CPS1: variants seen among roughly 807,000 people sequenced by gnomAD.
The protein encoded by CPS1 is carbamoyl-phosphate synthase [ammonia], mitochondrial.
In CPS1, 109 loss-of-function variants were observed where a neutral mutation model predicts 174.6. The observed-to-expected ratio is 0.62, with a 90% CI of 0.53 to 0.73. The LOEUF is 0.73. CPS1 is among the 30% of genes least tolerant of loss of function. The pLI, the probability that CPS1 is intolerant of heterozygous loss-of-function variation, is 0.00. For missense variants in CPS1, 1,689 were observed against 1,821.9 expected (o/e 0.93, Z 1.33); for synonymous variants, 637 against 632.0 (o/e 1.01, Z -0.12).
At chr2:210,567,375 G>C (rs1336279296) in intron 1 of CPS1, among the ~76,000 whole-genome samples, 1 of 152,064 alleles carries the variant, frequency 6.6e-6, no homozygotes, top group African/African-American at 2.4e-5. Context: ...TTTTAATAGA[G>C]GGAGAATTAT....
intron 1 of CPS1, among the ~76,000 whole-genome samples, chr2:210,513,474 C>G (rs911557802): frequency 2.0e-5 from 3 of 151,232 alleles, no homozygotes; most frequent in Admixed American, 1.3e-4. Flanking sequence ...AGAAGACATA[C>G]GTTGTATGTC....
intron 1 of CPS1, among the ~76,000 whole-genome samples, chr2:210,483,242 G>A (rs1694625118): frequency 6.6e-6 from 1 of 152,256 alleles, no homozygotes; most frequent in Middle Eastern, 3.4e-3. Flanking sequence ...GCAATTAGTG[G>A]TGTTGGTAGG....
chr2:210,538,624 A>G (rs1442995974), intron 1 of CPS1, among the ~76,000 whole-genome samples: 3 of 152,108 alleles, frequency 2.0e-5, no homozygotes, highest in Non-Finnish European at 2.9e-5. Flanking sequence ...CTTTGACATC[A>G]GTGGGGATGG....
Position 210,590,824 on chromosome 2 carries a change from C to G in CPS1, c.865C>G (p.Pro289Ala), listed in dbSNP as rs146733657. 1 of 1,610,670 alleles carries G rather than the reference C, an allele frequency of 6.2e-7. No individual in the cohort carries two copies. Among genetic ancestry groups the G allele is most frequent in the African/African-American group, 1.3e-5 (1 of 74,782 alleles). ...GATTTTGGAGAGTGATCGCAAGGAG[C>G]CATTGTTTGGAATCAGTACAGGAAA... ...RKILESDRKE[P>A]LFGISTGNLI... Residue 289 changes from proline (P) to alanine (A), a missense_variant, in exon 9 of 38, where the codon CCA (proline) becomes GCA (alanine). Transcript: ENST00000233072.
chr2:210,631,779 A>G (rs891057285), intron 21 of CPS1, among the ~76,000 whole-genome samples: 19 of 152,248 alleles, frequency 1.2e-4, no homozygotes, highest in Admixed American at 2.6e-4. Flanking sequence ...AGTTGTATAT[A>G]TAATAGCATA....
chr2:210,508,272 G>A (rs1395971969), intron 1 of CPS1, among the ~76,000 whole-genome samples: 3 of 151,476 alleles, frequency 2.0e-5, no homozygotes, highest in African/African-American at 4.9e-5. Context: ...CTGCTCCTGA[G>A]TGACTACTGG....
At chr2:210,632,475 G>T (rs1374777249) in intron 21 of CPS1, among the ~76,000 whole-genome samples, 1 of 151,970 alleles carries the variant, frequency 6.6e-6, no homozygotes, top group Non-Finnish European at 1.5e-5. Flanking sequence ...AGAATAAGCT[G>T]GGACTAAAGT....
intron 19 of CPS1, among the ~76,000 whole-genome samples, 169 bp downstream of exon 19, chr2:210,608,728 A>G (rs1487253966): frequency 4.6e-5 from 7 of 151,864 alleles, no homozygotes; most frequent in Admixed American, 3.9e-4. Flanking sequence ...TAATATGCTA[A>G]CAGTCTCTAT....
chr2:210,637,690 A>G lies in CPS1; in HGVS notation c.2688-12A>G, dbSNP rs376699772. The G allele has an allele frequency of 6.6e-5, 106 of 1,613,796 alleles. No individual in the cohort carries two copies. In the East Asian group the frequency reaches 1.6e-3, roughly 25 times the overall value. ...GTCTAAACTTGAATCTCTCTTTTCTATTAAATCCTAGTGAGTCCATGACAG... is the reference window on the plus strand; with the variant it reads ...GTCTAAACTTGAATCTCTCTTTTCTGTTAAATCCTAGTGAGTCCATGACAG... On this transcript the variant is annotated splice_polypyrimidine_tract_variant and intron_variant, in intron 21 of 37. Coordinates refer to ENST00000233072, the MANE Select transcript of CPS1 (RefSeq NM_001875.5).
chr2:210,480,449 AG>A (rs1315882411), intron 1 of CPS1, among the ~76,000 whole-genome samples: 11 of 152,214 alleles, frequency 7.2e-5, no homozygotes, highest in Non-Finnish European at 1.5e-4. Flanking sequence ...AGTAACTGAT[AG>A]CCCCTGTCTG....
intron 21 of CPS1, among the ~76,000 whole-genome samples, chr2:210,636,519 T>C (rs943095934): frequency 3.3e-5 from 5 of 152,008 alleles, no homozygotes; most frequent in African/African-American, 1.2e-4. Context: ...TGTGGTAGAT[T>C]TGGGGAGTAA....
chr2:210,477,953 A>T (rs941204895), intron 1 of CPS1, among the ~76,000 whole-genome samples: 5 of 152,208 alleles, frequency 3.3e-5, no homozygotes, highest in African/African-American at 9.6e-5. Context: ...GCAAGGCAGG[A>T]TGGTAATTGT....
At chr2:210,575,516 GCACACACA>G (rs71395588) in intron 2 of CPS1, among the ~76,000 whole-genome samples, 12,430 of 145,890 alleles carry the variant, frequency 0.085, 612 homozygotes, top group East Asian at 0.26. Context: ...ATATGTATAT[GCACACACA>G]CACACACACA....
At chr2:210,670,233 G>A (rs1266832106) in intron 34 of CPS1, among the ~76,000 whole-genome samples, 3 of 152,106 alleles carry the variant, frequency 2.0e-5, no homozygotes, top group African/African-American at 7.2e-5. Flanking sequence ...AGTACTTAAA[G>A]GAACTTAATA....
intron 1 of CPS1, among the ~76,000 whole-genome samples, chr2:210,502,064 G>A (rs993394692): frequency 6.6e-6 from 1 of 152,042 alleles, no homozygotes; most frequent in Non-Finnish European, 1.5e-5. Flanking sequence ...GAGAAGTGGG[G>A]AAAGCCCTTT....
At chr2:210,647,341 C>A (rs1416408729) in intron 25 of CPS1, among the ~76,000 whole-genome samples, 7 of 152,122 alleles carry the variant, frequency 4.6e-5, no homozygotes, top group African/African-American at 1.4e-4. Flanking sequence ...ATAGATAAGA[C>A]TGGAAAGTCT....
chr2:210,560,872 A>G (rs1049169678), intron 1 of CPS1, among the ~76,000 whole-genome samples: 3 of 152,144 alleles, frequency 2.0e-5, no homozygotes, highest in African/African-American at 7.2e-5. Context: ...AAGAATAACT[A>G]TTTTATTGGA....
chr2:210,551,708 G>A (rs574363628), upstream of CPS1, among the ~76,000 whole-genome samples: 1 of 151,928 alleles, frequency 6.6e-6, no homozygotes, highest in East Asian at 1.9e-4. Context: ...TCAAATGTTA[G>A]ATTGATAAGC....
At chr2:210,606,628 C>A in intron 17 of CPS1, 103 bp from the exon 18 acceptor site, 1 of 1,080,526 alleles carries the variant, frequency 9.3e-7, no homozygotes, top group Non-Finnish European at 1.4e-6. Flanking sequence ...CCAACAAACC[C>A]TCAGACTGTT....
Sources: gnomAD v4.1 joint callset for allele counts (sites outside exome capture counted in the v4.1 genomes callset) on GRCh38, gnomAD v4.1.1 for gene constraint, MANE v1.5 for transcripts, NCBI Gene and HGNC (gene_info 2026-07-23, HGNC 2026-07-21) for gene names.